Variants in RNF17 observed in about 807,000 individuals in gnomAD.
RNF17 encodes the protein spermatogenesis associated 23.
Under a neutral mutation model 200.5 loss-of-function variants are expected in RNF17, and 31 were observed. That is an observed-to-expected ratio of 0.15 (90% CI 0.12 to 0.21). The LOEUF (loss-of-function observed/expected upper bound fraction) is 0.21, where lower values mean the gene tolerates loss of function less well. Ranked by LOEUF, RNF17 falls within the 10% of genes least tolerant of loss-of-function variation. The pLI is 1.00. For missense variants in RNF17, 1,628 were observed against 1,905.1 expected (o/e 0.85, Z 2.71); for synonymous variants, 606 against 637.8 (o/e 0.95, Z 0.75).
At chr13:24,860,428 C>T (rs1001578200) in intron 26 of RNF17, among the ~76,000 whole-genome samples, 3 of 151,906 alleles carry the variant, frequency 2.0e-5, no homozygotes, top group African/African-American at 7.2e-5. Flanking sequence ...TTTTTCATTT[C>T]TTAATCTGAT....
intron 28 of RNF17, 104 bp from the exon 29 acceptor site, chr13:24,864,768 AG>A (rs1893452875): frequency 1.2e-6 from 1 of 817,734 alleles, no homozygotes; most frequent in Admixed American, 2.4e-5. Context: ...CAAACTGTCT[AG>A]TTAATACTAT....
intron 6 of RNF17, among the ~76,000 whole-genome samples, chr13:24,783,752 G>A (rs542167940): frequency 6.6e-6 from 1 of 152,104 alleles, no homozygotes; most frequent in African/African-American, 2.4e-5. Flanking sequence ...ATTAGCTTTA[G>A]TATTATTTTA....
chr13:24,762,398 A>G (rs1878845280), upstream of RNF17, among the ~76,000 whole-genome samples: 3 of 150,690 alleles, frequency 2.0e-5, no homozygotes, highest in South Asian at 6.3e-4. Context: ...AAAAAAGAGA[A>G]TATGAATTGA....
At chr13:24,808,262 T>C (rs1248062203) in intron 15 of RNF17, among the ~76,000 whole-genome samples, 1 of 152,054 alleles carries the variant, frequency 6.6e-6, no homozygotes, top group Non-Finnish European at 1.5e-5. Context: ...AGGATATTGA[T>C]TCTTCCTGCC....
the RNF17 span, among the ~76,000 whole-genome samples, chr13:24,754,022 G>A: frequency 6.6e-5 from 10 of 152,134 alleles, no homozygotes; most frequent in East Asian, 1.9e-4. Context: ...GCCAGGTGTC[G>A]TGATGGGTGC....
At chr13:24,775,579 A>G (rs1881446545) in intron 3 of RNF17, among the ~76,000 whole-genome samples, 1 of 152,242 alleles carries the variant, frequency 6.6e-6, no homozygotes, top group South Asian at 2.1e-4. Context: ...TAGTGCAAGT[A>G]TAGTACAATG....
intron 34 of RNF17, among the ~76,000 whole-genome samples, chr13:24,878,977 C>T (rs886917848): frequency 3.9e-5 from 6 of 152,036 alleles, no homozygotes; most frequent in African/African-American, 9.7e-5. Context: ...TTAGGAAGAC[C>T]TTGTGAGAAG....
chr13:24,873,416 G>A (rs1894510818), intron 32 of RNF17, among the ~76,000 whole-genome samples: 1 of 152,070 alleles, frequency 6.6e-6, no homozygotes, highest in Admixed American at 6.6e-5. Flanking sequence ...TTTCTTCTTT[G>A]TACTTTTCTG....
intron 15 of RNF17, among the ~76,000 whole-genome samples, chr13:24,814,487 G>A (rs552190738): frequency 2.0e-5 from 3 of 152,082 alleles, no homozygotes; most frequent in Non-Finnish European, 4.4e-5. Flanking sequence ...TCTTCCCTAT[G>A]CTTTCTTCTA....
chr13:24,830,951 A>G (rs1030419259), intron 17 of RNF17, among the ~76,000 whole-genome samples: 6 of 152,198 alleles, frequency 3.9e-5, no homozygotes, highest in African/African-American at 1.4e-4. Context: ...ACTTAAGTAT[A>G]TATGTGTGTA....
intron 34 of RNF17, among the ~76,000 whole-genome samples, chr13:24,878,978 T>C (rs9553461): frequency 0.18 from 26,872 of 152,028 alleles, 2,571 homozygotes; most frequent in South Asian, 0.32. Flanking sequence ...TAGGAAGACC[T>C]TGTGAGAAGG....
At position 24,779,673 on chromosome 13, in the gene RNF17, A is replaced by G. The variant is rs750509711; in HGVS notation, c.436A>G (p.Asn146Asp). ...GATTTCCCTCCCTTCTTAGGACACTAATACTGCAGAAGAAATTGATGAAGC... is the reference window on the plus strand; with the variant it reads ...GATTTCCCTCCCTTCTTAGGACACTGATACTGCAGAAGAAATTGATGAAGC... ...LNSSAVMLDT[N>D]TAEEIDEALN... Residue 146 changes from asparagine (N) to aspartate (D), a missense_variant, in exon 5 of 36, where the codon AAT (asparagine) becomes GAT (aspartate). Asn to Asp is a conservative substitution (Grantham distance 23). Transcript: ENST00000255324. The G allele has an allele frequency of 6.2e-7, 1 of 1,610,396 alleles. No individual in the cohort carries two copies. Among genetic ancestry groups the G allele is most frequent in the South Asian group, 1.1e-5 (1 of 90,970 alleles).
At chr13:24,849,181 A>ATTGT (rs1179014816) in intron 22 of RNF17, among the ~76,000 whole-genome samples, 1 of 152,202 alleles carries the variant, frequency 6.6e-6, no homozygotes, top group Non-Finnish European at 1.5e-5. Context: ...ACCAGAATTA[A>ATTGT]TTGTTTACTC....
chr13:24,767,227 A>AATC (rs142005435), intron 1 of RNF17, 45 bp from the exon 2 acceptor site: 225,963 of 1,306,636 alleles, frequency 0.17, 22,627 homozygotes, highest in South Asian at 0.35. Flanking sequence ...CTGTCTCAAT[A>AATC]ATCATCATCA....
downstream of RNF17, chr13:24,883,911 A>G: frequency 6.2e-7 from 1 of 1,612,468 alleles, no homozygotes; most frequent in African/African-American, 1.3e-5. Flanking sequence ...CTGAGCACAG[A>G]TGAACAGGTG....
chr13:24,867,625 A>G (rs1893766402), intron 30 of RNF17, among the ~76,000 whole-genome samples: 1 of 152,226 alleles, frequency 6.6e-6, no homozygotes, highest in Non-Finnish European at 1.5e-5. Flanking sequence ...ACAAATTTGA[A>G]TATGATGGTT....
chr13:24,854,031 C>G lies in RNF17; in HGVS notation c.3497C>G (p.Pro1166Arg). Residue 1166 changes from proline to arginine, a missense_variant, in exon 25 of 36, where the codon CCA becomes CGA. Physicochemically the swap from Pro to Arg is moderately radical, Grantham distance 103. Transcript: ENST00000255324. ...VSEFQEKILE[P>R]RTTRGYKPPA... The stretch of plus-strand genomic sequence containing the variant: ...GAATTTCAGGAGAAAATTCTAGAAC[C>G]AAGAACCACTAGAGGGTATAAGCCA... The G allele has an allele frequency of 1.9e-6, 3 of 1,613,998 alleles. No individual in the cohort carries two copies. The South Asian group carries it at 3.3e-5, about 18-fold the overall frequency.
At chr13:24,883,205 C>T (rs1196634965), downstream of RNF17, 3 of 1,613,934 alleles carry the variant, frequency 1.9e-6, no homozygotes, top group Admixed American at 5.0e-5. Context: ...TAGCACATTA[C>T]CCTCCTTGTC....
chr13:24,800,626 A>G (rs978397056), intron 13 of RNF17, 92 bp downstream of exon 13: 2 of 984,466 alleles, frequency 2.0e-6, no homozygotes, highest in African/African-American at 1.6e-5. Flanking sequence ...GGCTCAGGGA[A>G]CCAGTAATCT....
Sources: allele counts gnomAD v4.1 joint callset (sites outside exome capture counted in the v4.1 genomes callset), GRCh38; gene constraint gnomAD v4.1.1; transcripts MANE v1.5; gene names NCBI Gene and HGNC (gene_info 2026-07-23, HGNC 2026-07-21).